The following MMS22L variants were observed in gnomAD, a reference collection of about 807,000 sequenced individuals.
MMS22L encodes the protein protein MMS22-like.
A neutral mutation model predicts 159.1 loss-of-function variants in MMS22L; 74 were observed. That is an observed-to-expected ratio of 0.47 (90% CI 0.39 to 0.56). The LOEUF (loss-of-function observed/expected upper bound fraction) is 0.56, where lower values mean the gene tolerates loss of function less well. Ranked by LOEUF, MMS22L falls within the 20% of genes least tolerant of loss-of-function variation. The pLI is 0.00. For missense variants in MMS22L, 1,351 were observed against 1,422.1 expected (o/e 0.95, Z 0.80); for synonymous variants, 517 against 506.9 (o/e 1.02, Z -0.27).
chr6:97,253,136 A>G (rs987266707), intron 10 of MMS22L, among the ~76,000 whole-genome samples: 1 of 152,146 alleles, frequency 6.6e-6, no homozygotes, highest in Non-Finnish European at 1.5e-5. Flanking sequence ...TCTCAGAGCA[A>G]TTTCTGACTA....
intron 15 of MMS22L, among the ~76,000 whole-genome samples, chr6:97,183,354 C>T (rs1270158151): frequency 6.6e-6 from 1 of 152,072 alleles, no homozygotes; most frequent in Admixed American, 6.6e-5. Context: ...GTGTACTCGC[C>T]TGGAAAAATC....
chr6:97,168,486 C>T (rs757730647), intron 19 of MMS22L, among the ~76,000 whole-genome samples: 7 of 152,064 alleles, frequency 4.6e-5, no homozygotes, highest in Admixed American at 4.6e-4. Flanking sequence ...TTAATATATA[C>T]ACTGGTTAAG....
At chr6:97,259,035 C>A (rs1814140474) in intron 9 of MMS22L, 1 of 152,146 alleles carries the variant, frequency 6.6e-6, no homozygotes, top group South Asian at 2.1e-4. Flanking sequence ...TTTTCACCCA[C>A]CCATCTTTAT....
chr6:97,256,642 T>C (rs767083440), intron 9 of MMS22L, among the ~76,000 whole-genome samples: 8 of 152,204 alleles, frequency 5.3e-5, no homozygotes, highest in African/African-American at 1.7e-4. Context: ...AGCTGCCCAA[T>C]TGTCACTCTT....
intron 9 of MMS22L, among the ~76,000 whole-genome samples, chr6:97,258,276 C>T (rs1351280006): frequency 6.6e-6 from 1 of 152,194 alleles, no homozygotes; most frequent in Admixed American, 6.5e-5. Context: ...GTCCTTCTGA[C>T]ATGTACTCAT....
At chr6:97,225,241 G>C (rs1300479842) in intron 14 of MMS22L, among the ~76,000 whole-genome samples, 1 of 152,184 alleles carries the variant, frequency 6.6e-6, no homozygotes, top group Non-Finnish European at 1.5e-5. Context: ...ATGTGAAATA[G>C]AGAAAAGAGT....
chr6:97,146,932 A>T, intron 24 of MMS22L, 45 bp from the exon 25 acceptor site: 2 of 1,270,734 alleles, frequency 1.6e-6, no homozygotes, highest in Non-Finnish European at 2.2e-6. Flanking sequence ...TAACATTTTC[A>T]TTATTTTTCA....
chr6:97,149,575 G>C (rs912173701), intron 24 of MMS22L, among the ~76,000 whole-genome samples: 1 of 152,148 alleles, frequency 6.6e-6, no homozygotes, highest in Non-Finnish European at 1.5e-5. Flanking sequence ...AATGCGTTTT[G>C]AGCAACAGCA....
chr6:97,231,428 T>C lies in MMS22L; in HGVS notation c.1527A>G (p.Gly509=). 1 of 1,610,352 alleles carries C rather than the reference T, an allele frequency of 6.2e-7. No homozygotes were observed. The highest frequency in any genetic ancestry group is 8.5e-7 in the Non-Finnish European group (1 of 1,176,958). Residue 509 remains glycine, a splice_region_variant and synonymous_variant, in exon 13 of 25, where the codon GGA becomes GGG. Coordinates refer to ENST00000683635, the MANE Select transcript of MMS22L (RefSeq NM_001350599.2). The part of the protein sequence containing the change: ...NGPHPWKQVK[G]RIYSKFHQKR... ...ATGACAGAAGATACTGCATATACCT[T>C]CCTTTGACTTGTTTCCAAGGATGAG...
chr6:97,265,121 G>A (rs1814949610), intron 8 of MMS22L: 1 of 152,152 alleles, frequency 6.6e-6, no homozygotes, highest in Non-Finnish European at 1.5e-5. Context: ...AAAGCTCGAG[G>A]CATGACACTA....
chr6:97,275,177 T>C (rs935562253), intron 4 of MMS22L, among the ~76,000 whole-genome samples: 1 of 152,198 alleles, frequency 6.6e-6, no homozygotes, highest in African/African-American at 2.4e-5. Context: ...CAGAAAAATA[T>C]ATCACAGAAT....
At position 97,263,486 on chromosome 6, in the gene MMS22L, G is replaced by C. The variant is rs199808865; in HGVS notation, c.829-38C>G. ...ACCAAAATGTGTTATTTATAAGACA[G>C]CAGCAGAATTTTAAATGCCATATAT... On this transcript the variant is annotated intron_variant, in intron 8 of 24. Coordinates refer to ENST00000683635, the MANE Select transcript of MMS22L (RefSeq NM_001350599.2). The C allele has an allele frequency of 7.3e-6, 8 of 1,095,170 alleles. No individual in the cohort carries two copies. In the Admixed American group the frequency reaches 2.2e-4, roughly 30 times the overall value. 67.8% of individuals were successfully genotyped at this position (1,095,170 alleles called of 1,614,324 possible).
At chr6:97,146,970 CATCATCCATCCATCCATCTATTCA>C (rs1800954110) in intron 24 of MMS22L, 83 bp from the exon 25 acceptor site, 1 of 903,100 alleles carries the variant, frequency 1.1e-6, no homozygotes, top group Admixed American at 2.8e-5. Flanking sequence ...TAAGTCTGCC[CATCATCCATCCATCCATCTATTCA>C]GCCATCCATC....
At chr6:97,281,552 A>G (rs1816757830) in intron 2 of MMS22L, among the ~76,000 whole-genome samples, 190 bp from the exon 3 acceptor site, 1 of 152,240 alleles carries the variant, frequency 6.6e-6, no homozygotes. Context: ...CTATATTGAT[A>G]AAATGTACGA....
At position 97,143,010 on chromosome 6, in the gene MMS22L, G is replaced by A. The variant is rs1292203579; in HGVS notation, c.*3796C>T. On this transcript the variant is annotated 3_prime_UTR_variant, in exon 25 of 25. Transcript: ENST00000683635. ...ACTATGAAATTCCTCTAATGCAAAT[G>A]AACTCAATACTGAATGACTTTTCCA... is the stretch of plus-strand genomic sequence containing the variant. 3 of 152,512 alleles carry A rather than the reference G, an allele frequency of 2.0e-5. No individual in the cohort carries two copies. The South Asian group carries it at 6.2e-4, about 32-fold the overall frequency. 9.4% of individuals were successfully genotyped at this position (152,512 alleles called of 1,614,324 possible).
intron 14 of MMS22L, among the ~76,000 whole-genome samples, chr6:97,207,259 T>C (rs905704742): frequency 6.6e-6 from 1 of 152,158 alleles, no homozygotes; most frequent in African/African-American, 2.4e-5. Context: ...CTGATTAGTT[T>C]GCTCCATATC....
intron 14 of MMS22L, among the ~76,000 whole-genome samples, chr6:97,213,393 C>T (rs752812122): frequency 5.9e-5 from 9 of 151,854 alleles, no homozygotes; most frequent in Admixed American, 3.3e-4. Context: ...GCAACAAGAG[C>T]AAAACTCCAC....
rs554230311 is a variant in MMS22L at position 97,272,815 on chromosome 6, C to T, written c.495G>A (p.Gln165=). Residue 165 remains glutamine, a synonymous_variant, in exon 6 of 25, where the codon CAG becomes CAA. Transcript: ENST00000683635. ...PVHPYEALEA[Q]LPSVLIDELH... ...GCTCATCAATCAACACTGAGGGAAG[C>T]TGAGCCTCCAAAGCCTCATAAGGAT... 1.2e-6 allele frequency: 2 copies of T among 1,613,998 alleles called. No individual in the cohort carries two copies. Among genetic ancestry groups the T allele is most frequent in the Admixed American group, 3.3e-5 (2 of 60,018 alleles).
At chr6:97,221,543 T>A (rs913371222) in intron 14 of MMS22L, among the ~76,000 whole-genome samples, 11 of 94,782 alleles carry the variant, frequency 1.2e-4, no homozygotes, top group Non-Finnish European at 3.1e-4. Context: ...TATATCTAAA[T>A]ACTCAGCTGA....
Sources: gnomAD v4.1 joint callset for allele counts (sites outside exome capture counted in the v4.1 genomes callset) on GRCh38, gnomAD v4.1.1 for gene constraint, MANE v1.5 for transcripts, NCBI Gene and HGNC (gene_info 2026-07-23, HGNC 2026-07-21) for gene names.